The following ADAMTSL1 variants were observed in gnomAD, a reference collection of about 807,000 sequenced individuals.
ADAMTSL1 encodes the protein ADAMTS like 1.
In ADAMTSL1, 126 loss-of-function variants were observed where a neutral mutation model predicts 201.8. The ratio of observed to expected loss-of-function variants is 0.62; its 90% CI spans 0.54 to 0.72. ADAMTSL1 has a LOEUF of 0.72. Among genes scored for constraint, ADAMTSL1 ranks in the 30% least tolerant of loss-of-function variants. ADAMTSL1 has a pLI of 0.00. For synonymous variants in ADAMTSL1, 1,121 were observed against 903.4 expected (o/e 1.24, Z -4.32); for missense variants, 2,679 against 2,277.8 (o/e 1.18, Z -3.59).
rs566430828 is a variant in ADAMTSL1 at position 18,543,811 on chromosome 9, C to G, written c.237+10519C>G. 2.6e-5 allele frequency among the ~76,000 whole-genome samples: 4 copies of G among 152,320 alleles called. No individual in the cohort carries two copies. The East Asian group carries it at 7.7e-4, about 29-fold the overall frequency. ...GCTGGCCAAGTTCACTGGGTGCCCC[C>G]CAGCCCCAGTAAGTTAGGCCTTCTG... On this transcript the variant is annotated intron_variant, in intron 3 of 28. Coordinates refer to ENST00000380548, the MANE Select transcript of ADAMTSL1 (RefSeq NM_001040272.6).
chr9:18,312,174 C>G (rs1834182898), intron 2 of ADAMTSL1, among the ~76,000 whole-genome samples: 1 of 152,154 alleles, frequency 6.6e-6, no homozygotes, highest in South Asian at 2.1e-4. Flanking sequence ...TCTTGAAGGA[C>G]AAGCTTAGGA....
At chr9:18,568,829 G>A (rs1005150890) in intron 3 of ADAMTSL1, among the ~76,000 whole-genome samples, 1 of 149,912 alleles carries the variant, frequency 6.7e-6, no homozygotes, top group Non-Finnish European at 1.5e-5. Flanking sequence ...ACACATAAAA[G>A]CATTAATAGG....
chr9:18,461,914 T>A (rs1820822695), intron 2 of ADAMTSL1, among the ~76,000 whole-genome samples: 1 of 152,156 alleles, frequency 6.6e-6, no homozygotes, highest in African/African-American at 2.4e-5. Flanking sequence ...CCTTGCCGCA[T>A]ATACTAAACT....
intron 14 of ADAMTSL1, among the ~76,000 whole-genome samples, chr9:18,707,470 A>C (rs1416727569): frequency 6.6e-6 from 1 of 152,206 alleles, no homozygotes. Flanking sequence ...TGATTTCCCA[A>C]AGTAATATCT....
intron 2 of ADAMTSL1, among the ~76,000 whole-genome samples, chr9:18,212,805 G>T (rs191901413): frequency 3.6e-4 from 55 of 152,144 alleles, no homozygotes; most frequent in African/African-American, 1.2e-3. Context: ...TAACCCTTAG[G>T]TCACACTGAG....
At chr9:18,035,832 G>A (rs1821170696) in intron 1 of ADAMTSL1, among the ~76,000 whole-genome samples, 1 of 152,120 alleles carries the variant, frequency 6.6e-6, no homozygotes, top group Non-Finnish European at 1.5e-5. Flanking sequence ...TAAGTGCTTA[G>A]TAATTATATG....
chr9:18,459,211 T>C (rs1820719674), intron 2 of ADAMTSL1, among the ~76,000 whole-genome samples: 1 of 152,214 alleles, frequency 6.6e-6, no homozygotes, highest in Non-Finnish European at 1.5e-5. Context: ...TTAGTATCTG[T>C]TCTCAAGCAG....
At chr9:18,721,807 C>G in intron 15 of ADAMTSL1, 142 bp downstream of exon 15, 3 of 1,324,898 alleles carry the variant, frequency 2.3e-6, no homozygotes, top group Non-Finnish European at 3.0e-6. Flanking sequence ...TAGTCAAATC[C>G]ACTTAAGTTT....
intron 23 of ADAMTSL1, among the ~76,000 whole-genome samples, chr9:18,870,317 A>T (rs763580186): frequency 1.3e-5 from 2 of 152,202 alleles, no homozygotes; most frequent in Non-Finnish European, 1.5e-5. Context: ...TTATAGATGT[A>T]CGGATATAGA....
chr9:18,699,553 C>T (rs1292042255), intron 13 of ADAMTSL1, among the ~76,000 whole-genome samples: 1 of 152,076 alleles, frequency 6.6e-6, no homozygotes, highest in Non-Finnish European at 1.5e-5. Context: ...TGGTCTCAAA[C>T]TCTTGGCCTC....
chr9:18,341,235 C>A (rs1007088241), intron 2 of ADAMTSL1, among the ~76,000 whole-genome samples: 3 of 152,070 alleles, frequency 2.0e-5, no homozygotes, highest in African/African-American at 7.2e-5. Context: ...CAGTTTTATT[C>A]TCTATACTCC....
intron 2 of ADAMTSL1, among the ~76,000 whole-genome samples, chr9:18,283,145 A>G (rs919206123): frequency 3.3e-5 from 5 of 152,302 alleles, no homozygotes; most frequent in African/African-American, 7.2e-5. Flanking sequence ...GCATAAGTTT[A>G]TATACTCTTA....
intron 2 of ADAMTSL1, among the ~76,000 whole-genome samples, chr9:18,530,257 A>G (rs1856893): frequency 6.6e-6 from 1 of 152,072 alleles, no homozygotes; most frequent in African/African-American, 2.4e-5. Context: ...ATGCAAGTGG[A>G]AGAACAAAAT....
chr9:17,965,802 C>A (rs1817959504), intron 1 of ADAMTSL1, among the ~76,000 whole-genome samples: 1 of 152,142 alleles, frequency 6.6e-6, no homozygotes, highest in South Asian at 2.1e-4. Context: ...TATGAGGATG[C>A]TAGATTGCTT....
intron 1 of ADAMTSL1, among the ~76,000 whole-genome samples, chr9:18,148,633 G>A (rs1826765828): frequency 6.6e-6 from 1 of 151,938 alleles, no homozygotes; most frequent in African/African-American, 2.4e-5. Flanking sequence ...ATTGATAACA[G>A]TTGATGATTA....
intron 19 of ADAMTSL1, among the ~76,000 whole-genome samples, chr9:18,784,423 G>A (rs573511471): frequency 2.6e-5 from 4 of 152,316 alleles, no homozygotes; most frequent in Non-Finnish European, 4.4e-5. Flanking sequence ...GGATGCCCAC[G>A]ATTAGGAGGG....
intron 23 of ADAMTSL1, among the ~76,000 whole-genome samples, chr9:18,886,665 G>A (rs1828921452): frequency 1.3e-5 from 2 of 152,228 alleles, no homozygotes. Flanking sequence ...GAAGGGCCAA[G>A]GCAGCTCTCT....
intron 15 of ADAMTSL1, among the ~76,000 whole-genome samples, chr9:18,729,458 G>A (rs1284172361): frequency 6.6e-6 from 1 of 152,222 alleles, no homozygotes; most frequent in Non-Finnish European, 1.5e-5. Context: ...TAAGAAAAAT[G>A]TAGGTGAAAG....
intron 1 of ADAMTSL1, among the ~76,000 whole-genome samples, chr9:18,034,939 T>C (rs1028180948): frequency 2.0e-5 from 3 of 152,186 alleles, no homozygotes; most frequent in African/African-American, 7.2e-5. Context: ...ATTGTTCTAG[T>C]CTTCACTTTC....
Sources: allele counts gnomAD v4.1 joint callset (sites outside exome capture counted in the v4.1 genomes callset), GRCh38; gene constraint gnomAD v4.1.1; transcripts MANE v1.5; gene names NCBI Gene and HGNC (gene_info 2026-07-23, HGNC 2026-07-21).